The following CCSER1 variants were observed in gnomAD, a reference collection of about 807,000 sequenced individuals.
CCSER1 encodes coiled-coil serine rich protein 1.
Under a neutral mutation model 82.0 loss-of-function variants are expected in CCSER1, and 41 were observed. The ratio of observed to expected loss-of-function variants is 0.50; its 90% CI spans 0.39 to 0.65. The LOEUF (loss-of-function observed/expected upper bound fraction) is 0.65, where lower values mean the gene tolerates loss of function less well. CCSER1 is among the 30% of genes least tolerant of loss of function. The pLI is 0.00. For synonymous variants in CCSER1, 414 were observed against 383.9 expected (o/e 1.08, Z -0.92); for missense variants, 1,119 against 1,064.2 (o/e 1.05, Z -0.72).
chr4:91,604,949 C>A lies in CCSER1; in HGVS notation c.*5892C>A, dbSNP rs535663528. 1 of 151,480 alleles carries A rather than the reference C, an allele frequency of 6.6e-6. No individual in the cohort carries two copies. The highest frequency in any genetic ancestry group is 1.5e-5 in the Non-Finnish European group (1 of 67,842). 9.4% of individuals were successfully genotyped at this position (151,480 alleles called of 1,614,324 possible). A position where few individuals can be genotyped will look rare whatever the true frequency, so the allele number is the denominator to read the frequency against. ...AGAGAATTGATTATCTTAGTTAGACCCCATTTTTAAGGAAAAAATACACCC... is the reference window on the plus strand; with the variant it reads ...AGAGAATTGATTATCTTAGTTAGACACCATTTTTAAGGAAAAAATACACCC... On this transcript the variant is annotated 3_prime_UTR_variant, in exon 11 of 11. Coordinates refer to ENST00000509176, the MANE Select transcript of CCSER1 (RefSeq NM_001145065.2).
At chr4:90,700,692 G>A (rs1033229835) in intron 6 of CCSER1, among the ~76,000 whole-genome samples, 4 of 152,182 alleles carry the variant, frequency 2.6e-5, no homozygotes, top group African/African-American at 7.2e-5. Flanking sequence ...TAACTGGTGT[G>A]AGATGGTATC....
At chr4:91,385,276 G>A (rs1339620793) in intron 10 of CCSER1, among the ~76,000 whole-genome samples, 2 of 151,880 alleles carry the variant, frequency 1.3e-5, no homozygotes, top group Non-Finnish European at 2.9e-5. Flanking sequence ...GGTATGGGGT[G>A]ATTTTTCAAA....
At chr4:90,920,745 G>A (rs1728258385) in intron 8 of CCSER1, among the ~76,000 whole-genome samples, 1 of 151,798 alleles carries the variant, frequency 6.6e-6, no homozygotes, top group South Asian at 2.1e-4. Flanking sequence ...ACTCACAGTG[G>A]AAGTGTCTTC....
At chr4:90,511,359 G>A (rs936922645) in intron 5 of CCSER1, among the ~76,000 whole-genome samples, 9 of 152,022 alleles carry the variant, frequency 5.9e-5, no homozygotes, top group Non-Finnish European at 1.0e-4. Context: ...TGGAGGTTGC[G>A]GTGAGCCGAG....
At chr4:90,661,122 T>C (rs974577980) in intron 6 of CCSER1, among the ~76,000 whole-genome samples, 2 of 152,166 alleles carry the variant, frequency 1.3e-5, no homozygotes, top group Non-Finnish European at 2.9e-5. Flanking sequence ...ATTATGCAAA[T>C]AGTGTGATAA....
At chr4:90,697,017 A>G (rs958450813) in intron 6 of CCSER1, among the ~76,000 whole-genome samples, 1 of 151,736 alleles carries the variant, frequency 6.6e-6, no homozygotes, top group Non-Finnish European at 1.5e-5. Context: ...GGATGAGAAC[A>G]GATACAGAGC....
chr4:90,863,866 A>G (rs1765397154), intron 8 of CCSER1, among the ~76,000 whole-genome samples: 1 of 151,826 alleles, frequency 6.6e-6, no homozygotes, highest in African/African-American at 2.4e-5. Flanking sequence ...AAACACCAAC[A>G]AAAGCCCTTT....
intron 10 of CCSER1, among the ~76,000 whole-genome samples, chr4:91,491,215 A>G (rs886377989): frequency 6.6e-6 from 1 of 151,532 alleles, no homozygotes; most frequent in Non-Finnish European, 1.5e-5. Flanking sequence ...CTCAACCAAA[A>G]AGTTAAGTCC....
chr4:90,611,714 C>G (rs1189173698), intron 5 of CCSER1, among the ~76,000 whole-genome samples: 2 of 147,762 alleles, frequency 1.4e-5, no homozygotes, highest in African/African-American at 4.9e-5. Flanking sequence ...TATGGATGAA[C>G]AGGATATAAT....
intron 7 of CCSER1, among the ~76,000 whole-genome samples, chr4:90,764,103 A>C (rs1363463676): frequency 6.6e-6 from 1 of 152,122 alleles, no homozygotes; most frequent in Non-Finnish European, 1.5e-5. Context: ...GTTCTCCTGT[A>C]ATGTGTTTCT....
intron 7 of CCSER1, among the ~76,000 whole-genome samples, chr4:90,803,864 CCAG>C (rs564222914): frequency 8.4e-4 from 128 of 152,262 alleles, no homozygotes; most frequent in African/African-American, 3.0e-3. Flanking sequence ...CACATCTTCT[CCAG>C]CATCTGTTGT....
At chr4:91,529,515 G>A (rs1299171668) in intron 10 of CCSER1, among the ~76,000 whole-genome samples, 1 of 151,940 alleles carries the variant, frequency 6.6e-6, no homozygotes, top group Non-Finnish European at 1.5e-5. Context: ...TCCTTATACT[G>A]TCTTCACCTT....
chr4:91,011,757 C>A (rs1739021102), intron 9 of CCSER1, among the ~76,000 whole-genome samples: 1 of 134,370 alleles, frequency 7.4e-6, no homozygotes, highest in African/African-American at 2.5e-5. Context: ...GGGAATGAGG[C>A]ACTGTGTAGT....
intron 6 of CCSER1, among the ~76,000 whole-genome samples, chr4:90,661,855 C>T (rs1730851951): frequency 6.6e-6 from 1 of 151,786 alleles, no homozygotes; most frequent in African/African-American, 2.4e-5. Flanking sequence ...AAATGTGCTA[C>T]CTTGTTGAGT....
At chr4:90,732,427 A>G (rs1280491779) in intron 7 of CCSER1, among the ~76,000 whole-genome samples, 1 of 152,182 alleles carries the variant, frequency 6.6e-6, no homozygotes, top group African/African-American at 2.4e-5. Context: ...TCTGCCCAGT[A>G]AAGGCCAGTA....
At chr4:90,129,871 C>G (rs920637996) in intron 1 of CCSER1, among the ~76,000 whole-genome samples, 1 of 152,108 alleles carries the variant, frequency 6.6e-6, no homozygotes, top group Non-Finnish European at 1.5e-5. Flanking sequence ...GAACCCCATT[C>G]GGAGGGTTAT....
intron 4 of CCSER1, among the ~76,000 whole-genome samples, chr4:90,421,909 T>G (rs1238991967): frequency 2.6e-5 from 4 of 152,010 alleles, no homozygotes; most frequent in African/African-American, 9.7e-5. Context: ...GACAATAAAA[T>G]AGGAAAGTGA....
At chr4:91,168,667 C>T (rs185196959) in intron 10 of CCSER1, among the ~76,000 whole-genome samples, 336 of 152,222 alleles carry the variant, frequency 2.2e-3, no homozygotes, top group Admixed American at 5.2e-3. Context: ...TCTGCCCGAC[C>T]GCCCCATCTG....
intron 10 of CCSER1, among the ~76,000 whole-genome samples, chr4:91,111,414 T>C (rs560637147): frequency 7.9e-5 from 12 of 152,116 alleles, no homozygotes; most frequent in South Asian, 2.1e-4. Context: ...TAATGTGTAA[T>C]AATTAAGGAA....
Sources: gnomAD v4.1 joint callset for allele counts (sites outside exome capture counted in the v4.1 genomes callset) on GRCh38, gnomAD v4.1.1 for gene constraint, MANE v1.5 for transcripts, NCBI Gene and HGNC (gene_info 2026-07-23, HGNC 2026-07-21) for gene names.